TNIK: variants seen among roughly 807,000 people sequenced by gnomAD.
The protein encoded by TNIK is TRAF2 and NCK interacting kinase, also known as TRAF2 and NCK-interacting protein kinase.
A neutral mutation model predicts 191.3 loss-of-function variants in TNIK; 49 were observed. That is an observed-to-expected ratio of 0.26 (90% CI 0.20 to 0.32). TNIK has a LOEUF of 0.32. TNIK is among the 10% of genes least tolerant of loss of function. The probability of loss-of-function intolerance (pLI) is 1.00; values close to 1 mark genes in which losing one functional copy is unlikely to be tolerated. For synonymous variants in TNIK, 594 were observed against 600.9 expected (o/e 0.99, Z 0.17); for missense variants, 1,155 against 1,702.3 (o/e 0.68, Z 5.66).
In TNIK at chr3:171,084,332, G is replaced by C; in HGVS notation, c.2999-7C>G. 1 of 1,606,402 alleles carries C rather than the reference G, an allele frequency of 6.2e-7. No individual in the cohort carries two copies. The highest frequency in any genetic ancestry group is 1.3e-5 in the African/African-American group (1 of 74,814). ...AGTTCGCTAGTAAACAGAGCTTTGA[G>C]AAAAAGAATCAGAGAAGTCAGTGAC... On this transcript the variant is annotated splice_region_variant and splice_polypyrimidine_tract_variant and intron_variant, in intron 25 of 32. Transcript: ENST00000436636.
chr3:171,278,900 G>T (rs2109240165), intron 2 of TNIK, among the ~76,000 whole-genome samples: 1 of 152,278 alleles, frequency 6.6e-6, no homozygotes, highest in South Asian at 2.1e-4. Context: ...TTTCAGGGTG[G>T]AGGGGGATAT....
chr3:171,079,746 C>CGT (rs75631037), intron 27 of TNIK, 94 bp from the exon 28 acceptor site: 173,995 of 1,308,208 alleles, frequency 0.13, 7,267 homozygotes, highest in Middle Eastern at 0.19. Flanking sequence ...ATTTTATTTA[C>CGT]GTGTGTGTGT....
At chr3:171,218,809 T>C (rs1160158277) in intron 3 of TNIK, among the ~76,000 whole-genome samples, 15 of 129,736 alleles carry the variant, frequency 1.2e-4, no homozygotes, top group Admixed American at 5.2e-4. Flanking sequence ...ATATATTAAA[T>C]ACATATTTTT....
At chr3:171,383,780 G>A (rs1467803030) in intron 1 of TNIK, among the ~76,000 whole-genome samples, 1 of 152,192 alleles carries the variant, frequency 6.6e-6, no homozygotes, top group Non-Finnish European at 1.5e-5. Context: ...CCAGGCCACA[G>A]AATTCTGTGG....
intron 1 of TNIK, among the ~76,000 whole-genome samples, chr3:171,452,798 T>C (rs1728341549): frequency 6.6e-6 from 1 of 150,776 alleles, no homozygotes; most frequent in Admixed American, 6.6e-5. Context: ...TAACCCATGG[T>C]ATTTTAAATC....
chr3:171,296,290 T>G (rs1577386334), intron 2 of TNIK, among the ~76,000 whole-genome samples: 1 of 152,144 alleles, frequency 6.6e-6, no homozygotes, highest in South Asian at 2.1e-4. Context: ...GCAAATTAAC[T>G]GGTGTTTCAT....
intron 2 of TNIK, among the ~76,000 whole-genome samples, chr3:171,318,316 C>T (rs1440911360): frequency 1.3e-5 from 2 of 152,058 alleles, no homozygotes; most frequent in Non-Finnish European, 2.9e-5. Flanking sequence ...AATTTAAACA[C>T]AAGCCAAAGC....
chr3:171,079,467 GTC>G, intron 28 of TNIK, 49 bp downstream of exon 28: 4 of 1,586,078 alleles, frequency 2.5e-6, no homozygotes, highest in Non-Finnish European at 3.4e-6. Context: ...AACTAAGTAA[GTC>G]TGATTGAGTA....
intron 2 of TNIK, among the ~76,000 whole-genome samples, chr3:171,364,205 C>T (rs1435637127): frequency 6.6e-6 from 1 of 152,072 alleles, no homozygotes; most frequent in East Asian, 1.9e-4. Context: ...TAAATCCTTT[C>T]CCAAATATTC....
chr3:171,101,003 G>A (rs924480466), intron 22 of TNIK, among the ~76,000 whole-genome samples: 7 of 152,066 alleles, frequency 4.6e-5, no homozygotes, highest in Non-Finnish European at 1.0e-4. Context: ...AACGCATGCT[G>A]GCTTGTGCAT....
At chr3:171,299,923 C>T (rs570995210) in intron 2 of TNIK, among the ~76,000 whole-genome samples, 15 of 152,274 alleles carry the variant, frequency 9.9e-5, no homozygotes, top group African/African-American at 3.1e-4. Flanking sequence ...TTCCAGGGAA[C>T]CAGAAACACC....
chr3:171,270,031 C>T (rs1202853826), intron 2 of TNIK, among the ~76,000 whole-genome samples: 1 of 152,184 alleles, frequency 6.6e-6, no homozygotes, highest in East Asian at 1.9e-4. Flanking sequence ...TAAACTCACA[C>T]ACCCACACAC....
chr3:171,307,670 C>T (rs1016195438), intron 2 of TNIK, among the ~76,000 whole-genome samples: 1 of 152,068 alleles, frequency 6.6e-6, no homozygotes, highest in Non-Finnish European at 1.5e-5. Context: ...TGACAGTTGA[C>T]TAAATGAAAG....
chr3:171,246,718 C>A (rs1003327435), intron 2 of TNIK, among the ~76,000 whole-genome samples: 12 of 152,152 alleles, frequency 7.9e-5, no homozygotes, highest in Non-Finnish European at 1.5e-4. Flanking sequence ...CCCTCAAGAT[C>A]TTGAGTTTTC....
At chr3:171,302,978 G>C (rs1330838758) in intron 2 of TNIK, among the ~76,000 whole-genome samples, 1 of 152,104 alleles carries the variant, frequency 6.6e-6, no homozygotes, top group East Asian at 1.9e-4. Context: ...ATCAGATTCA[G>C]ATTATAATGT....
At chr3:171,277,314 A>G (rs1749868460) in intron 2 of TNIK, among the ~76,000 whole-genome samples, 1 of 152,234 alleles carries the variant, frequency 6.6e-6, no homozygotes, top group South Asian at 2.1e-4. Context: ...ATTCTGTTAT[A>G]GCAGCACAAA....
chr3:171,304,864 G>T (rs9839031), intron 2 of TNIK, among the ~76,000 whole-genome samples: 7 of 152,118 alleles, frequency 4.6e-5, no homozygotes, highest in African/African-American at 7.2e-5. Flanking sequence ...GTTGTGGGGT[G>T]GGGGGAGTGG....
intron 9 of TNIK, among the ~76,000 whole-genome samples, chr3:171,169,457 A>C (rs1735022150): frequency 1.3e-5 from 2 of 152,020 alleles, no homozygotes; most frequent in Admixed American, 6.6e-5. Context: ...TAGTAGAGAC[A>C]GGGTTTTGCC....
rs369706621 is a variant in TNIK at position 171,215,191 on chromosome 3, A to G, written c.181-3950T>C. Among the ~76,000 whole-genome samples the G allele has an allele frequency of 9.9e-5, 15 of 152,116 alleles. 1 individual carries two copies. The East Asian group carries it at 2.1e-3, about 21-fold the overall frequency. ...TGAGAAACCGGGATTGACCTTCTAG[A>G]AGATGAGAAATCATGGGAAGATAGG... On this transcript the variant is annotated intron_variant, in intron 3 of 32. Coordinates refer to ENST00000436636, the MANE Select transcript of TNIK (RefSeq NM_015028.4).
Sources: allele counts gnomAD v4.1 joint callset (sites outside exome capture counted in the v4.1 genomes callset), GRCh38; gene constraint gnomAD v4.1.1; transcripts MANE v1.5; gene names NCBI Gene and HGNC (gene_info 2026-07-23, HGNC 2026-07-21).